DNAAF8: variants seen among roughly 807,000 people sequenced by gnomAD.
DNAAF8 encodes the protein dynein axonemal assembly factor 8, also known as dynein axonemal-associated protein 1.
In DNAAF8, 61 loss-of-function variants were observed where a neutral mutation model predicts 54.6. That is an observed-to-expected ratio of 1.12 (90% CI 0.91 to 1.38). DNAAF8 has a LOEUF of 1.38. Among genes scored for constraint, DNAAF8 ranks in the 40% most tolerant of loss-of-function variants. The pLI is 0.00. For missense variants in DNAAF8, 837 were observed against 665.0 expected, an observed-to-expected ratio of 1.26 and a Z score of -2.85; for synonymous variants, 320 against 270.1, an observed-to-expected ratio of 1.18 and a Z score of -1.81.
rs763654265 is a variant in DNAAF8, at chr16:4,747,360, G to A, written c.1298G>A (p.Ser433Asn). Residue 433 changes from serine (S) to asparagine (N), a missense_variant, in exon 9 of 10, where the codon AGC becomes AAC. Transcript: ENST00000299320. ...TGTCACAGGACCTGTACCGGGAAAAGCCAGCTTCTCCAGCAGCTCAGGGCC... is the reference window on the plus strand; with the variant it reads ...TGTCACAGGACCTGTACCGGGAAAAACCAGCTTCTCCAGCAGCTCAGGGCC... ...SLGLRTCTGK[S>N]QLLQQLRAFQ... 2 of 1,586,634 alleles carry A rather than the reference G, an allele frequency of 1.3e-6. No individual in the cohort carries two copies. Among genetic ancestry groups the A allele is most frequent in the African/African-American group, 2.7e-5 (2 of 74,208 alleles).
At chr16:4,735,253 C>G (rs2081868175) in intron 1 of DNAAF8, 1 of 152,202 alleles carries the variant, frequency 6.6e-6, no homozygotes, top group South Asian at 2.1e-4. Context: ...GATTCTGTTG[C>G]CCTAAGAAAT....
chr16:4,740,791 T>C, intron 4 of DNAAF8, 132 bp downstream of exon 4: 4 of 1,177,374 alleles, frequency 3.4e-6, no homozygotes, highest in South Asian at 1.6e-5. Flanking sequence ...TCCACCATTC[T>C]GTGTACCTGT....
intron 9 of DNAAF8, 158 bp from the exon 10 acceptor site, chr16:4,748,567 T>G (rs2082048056): frequency 6.6e-6 from 1 of 152,298 alleles, no homozygotes; most frequent in South Asian, 2.1e-4. Context: ...GCTTGCCCCC[T>G]GCCAAGACCC....
intron 4 of DNAAF8, among the ~76,000 whole-genome samples, chr16:4,742,657 T>A (rs1596484606): frequency 6.6e-6 from 1 of 151,178 alleles, no homozygotes; most frequent in African/African-American, 2.4e-5. Context: ...GAGGTGGAGG[T>A]TGCAGTGAGC....
intron 2 of DNAAF8, among the ~76,000 whole-genome samples, chr16:4,736,990 G>A (rs1567493767): frequency 1.3e-5 from 2 of 152,126 alleles, no homozygotes; most frequent in African/African-American, 2.4e-5. Flanking sequence ...ACTCTCTCGT[G>A]CCAGGACAGG....
intron 8 of DNAAF8, 24 bp downstream of exon 8, chr16:4,747,049 C>A: frequency 6.6e-7 from 1 of 1,506,600 alleles, no homozygotes; most frequent in South Asian, 1.3e-5. Context: ...GGCCTCTCGC[C>A]ACCTGCAGAT....
intron 5 of DNAAF8, chr16:4,743,708 G>C (rs1458284527): frequency 6.6e-6 from 1 of 152,336 alleles, no homozygotes; most frequent in Non-Finnish European, 1.5e-5. Flanking sequence ...AGAGGAGCCA[G>C]GGCAGGTGCG....
At chr16:4,743,334 T>C in intron 5 of DNAAF8, 174 bp downstream of exon 5, 2 of 552,774 alleles carry the variant, frequency 3.6e-6, no homozygotes, top group Non-Finnish European at 6.2e-6. Context: ...ACTTCATTCA[T>C]TCAACATATA....
intron 2 of DNAAF8, 26 bp downstream of exon 2, chr16:4,736,669 G>C (rs919180362): frequency 5.2e-6 from 8 of 1,530,630 alleles, no homozygotes; most frequent in Non-Finnish European, 7.1e-6. Context: ...CTCCCTGGAT[G>C]CCTTGTCCTT....
rs1424829335 is a variant in DNAAF8, at chr16:4,736,475, T to G, written c.-40T>G. The G allele has an allele frequency of 6.1e-6, 9 of 1,478,072 alleles. No homozygotes were observed. Among genetic ancestry groups the G allele is most frequent in the Non-Finnish European group, 7.3e-6 (8 of 1,102,832 alleles). 91.6% of individuals were successfully genotyped at this position (1,478,072 alleles called of 1,614,324 possible). A position where few individuals can be genotyped will look rare whatever the true frequency, so the allele number is the denominator to read the frequency against. ...TGTGTACCCCACAGAGCTCCCCGGA[T>G]TATGGTGCACTGAGAAGGCATCTGG... On this transcript the variant is annotated 5_prime_UTR_variant, in exon 2 of 10. Transcript: ENST00000299320.
intron 3 of DNAAF8, among the ~76,000 whole-genome samples, chr16:4,739,341 C>T (rs1319780288): frequency 8.3e-6 from 1 of 121,122 alleles, no homozygotes; most frequent in Non-Finnish European, 1.6e-5. Context: ...TGCCTGTGGT[C>T]CCAGCTACTC....
At chr16:4,746,310 C>A in intron 6 of DNAAF8, 65 bp from the exon 7 acceptor site, 1 of 1,517,832 alleles carries the variant, frequency 6.6e-7, no homozygotes, top group Non-Finnish European at 9.0e-7. Flanking sequence ...ACTGGACAAA[C>A]CCAGCGCAGG....
chr16:4,739,357 G>A lies in DNAAF8; in HGVS notation c.277-796G>A, dbSNP rs138885367. On this transcript the variant is annotated intron_variant, in intron 3 of 9. Transcript: ENST00000299320. ...GCCTGTGGTCCCAGCTACTCAGGATGCTGAGGTGGAAGGATGACTTGTACT... is the reference window on the plus strand; with the variant it reads ...GCCTGTGGTCCCAGCTACTCAGGATACTGAGGTGGAAGGATGACTTGTACT... Among the ~76,000 whole-genome samples the A allele has an allele frequency of 1.6e-4, 22 of 136,042 alleles. No individual in the cohort carries two copies. In the East Asian group the frequency reaches 4.8e-3, roughly 30 times the overall value. 89.2% of individuals were successfully genotyped at this position (136,042 alleles called of 152,430 possible).
rs998860760 is a variant in DNAAF8 at position 4,746,371 on chromosome 16, T to A, written c.1044-4T>A. On this transcript the variant is annotated splice_polypyrimidine_tract_variant and splice_region_variant and intron_variant, in intron 6 of 9. Transcript: ENST00000299320. The stretch of plus-strand genomic sequence containing the variant: ...CTCCACAACACCTGCTTTTCTCATT[T>A]CAGATGTGCCTCAAGGAAGCAGGGC... 88 of 1,609,974 alleles carry A rather than the reference T, an allele frequency of 5.5e-5. No homozygotes were observed. Among genetic ancestry groups the A allele is most frequent in the Non-Finnish European group, 7.3e-5 (86 of 1,178,572 alleles).
chr16:4,744,061 C>G (rs1005946823), intron 5 of DNAAF8, among the ~76,000 whole-genome samples: 1 of 151,394 alleles, frequency 6.6e-6, no homozygotes, highest in Non-Finnish European at 1.5e-5. Context: ...TCCTGAGTTG[C>G]TGGGATTACA....
In DNAAF8 at chr16:4,749,001, G is replaced by T. The variant is rs2082052609; in HGVS notation, c.*286G>T. 6.6e-6 allele frequency: 1 copy of T among 152,330 alleles called. No homozygotes were observed. The highest frequency in any genetic ancestry group is 1.5e-5 in the Non-Finnish European group (1 of 68,108). 9.4% of individuals were successfully genotyped at this position (152,330 alleles called of 1,614,324 possible). On this transcript the variant is annotated 3_prime_UTR_variant, in exon 10 of 10. Transcript: ENST00000299320. ...GATGTCTGCTCTCTGGACCCCACGT[G>T]ATCTGGCCACTGGGGACCCCCACCC...
chr16:4,746,054 G>A (rs904554083), intron 6 of DNAAF8: 4 of 241,216 alleles, frequency 1.7e-5, no homozygotes, highest in African/African-American at 6.7e-5. Context: ...CTAACGTGGT[G>A]AATGTGACTG....
intron 7 of DNAAF8, 153 bp from the exon 8 acceptor site, chr16:4,746,774 C>T: frequency 2.5e-6 from 2 of 785,448 alleles, no homozygotes; most frequent in Non-Finnish European, 3.9e-6. Flanking sequence ...CCACACCTGT[C>T]CTCACCTCCT....
chr16:4,737,683 G>C, intron 2 of DNAAF8, 117 bp from the exon 3 acceptor site: 2 of 1,323,180 alleles, frequency 1.5e-6, no homozygotes. Flanking sequence ...GGACGGGCTG[G>C]ATGGGCTGGG....
Sources: gnomAD v4.1 joint callset for allele counts (sites outside exome capture counted in the v4.1 genomes callset) on GRCh38, gnomAD v4.1.1 for gene constraint, MANE v1.5 for transcripts, NCBI Gene and HGNC (gene_info 2026-07-23, HGNC 2026-07-21) for gene names.